Variants in EXOC6B observed in about 807,000 individuals in gnomAD.
EXOC6B encodes the protein SEC15 homolog B.
EXOC6B carries 54 observed loss-of-function variants against 113.5 expected under a neutral mutation model. That is an observed-to-expected ratio of 0.48 (90% CI 0.38 to 0.60). The LOEUF is 0.60. Among genes scored for constraint, EXOC6B ranks in the 20% least tolerant of loss-of-function variants. The pLI, the probability that EXOC6B is intolerant of heterozygous loss-of-function variation, is 0.00. For missense variants in EXOC6B, 797 were observed against 977.5 expected (o/e 0.82, Z 2.46); for synonymous variants, 357 against 339.0 (o/e 1.05, Z -0.58).
At chr2:72,770,986 A>G (rs1284390959) in intron 1 of EXOC6B, among the ~76,000 whole-genome samples, 1 of 152,202 alleles carries the variant, frequency 6.6e-6, no homozygotes, top group Non-Finnish European at 1.5e-5. Context: ...TTGTTTTTAA[A>G]TAATGATTAT....
intron 20 of EXOC6B, among the ~76,000 whole-genome samples, chr2:72,322,246 G>C (rs1014094869): frequency 3.9e-5 from 6 of 152,048 alleles, no homozygotes; most frequent in African/African-American, 1.4e-4. Flanking sequence ...CAATAAAAAA[G>C]AATGAACTAT....
chr2:72,235,641 G>A (rs1681914160), intron 20 of EXOC6B, among the ~76,000 whole-genome samples: 1 of 151,332 alleles, frequency 6.6e-6, no homozygotes, highest in Admixed American at 6.6e-5. Flanking sequence ...TGAAACATAA[G>A]AATAGGTGTA....
chr2:72,396,755 C>A (rs926172140), intron 18 of EXOC6B, among the ~76,000 whole-genome samples: 1 of 152,000 alleles, frequency 6.6e-6, no homozygotes, highest in Admixed American at 6.6e-5. Flanking sequence ...CAGCCTCTTT[C>A]CTATGTAAAC....
At chr2:72,659,006 T>A (rs919113317) in intron 6 of EXOC6B, among the ~76,000 whole-genome samples, 6 of 152,128 alleles carry the variant, frequency 3.9e-5, no homozygotes, top group African/African-American at 1.4e-4. Context: ...TCGTACCTCC[T>A]ATCCACCATC....
chr2:72,514,940 AACACACACACACAGACACACACACAC>A, intron 9 of EXOC6B, 77 bp downstream of exon 9: 2 of 1,019,572 alleles, frequency 2.0e-6, no homozygotes. Flanking sequence ...AATGACAGTA[AACACACACACACAGACACACACACAC>A]ACACACACAC....
intron 17 of EXOC6B, among the ~76,000 whole-genome samples, chr2:72,470,501 G>A (rs1472947372): frequency 3.3e-5 from 5 of 151,884 alleles, no homozygotes; most frequent in Non-Finnish European, 7.4e-5. Context: ...AAGTTTTAGG[G>A]TACATTGCAC....
intron 20 of EXOC6B, among the ~76,000 whole-genome samples, chr2:72,186,927 G>C (rs189872117): frequency 1.3e-5 from 2 of 152,266 alleles, no homozygotes; most frequent in East Asian, 3.9e-4. Context: ...GTTTTGCTCT[G>C]GCCCACTGGG....
chr2:72,176,093 T>C lies in EXOC6B; in HGVS notation c.*3242A>G, dbSNP rs968652270. ...TCACAGAGGAGCTTTCCCCTAACCATGCGGCCCATCTGTATCAGTAGCTTT... is the reference window on the plus strand; with the variant it reads ...TCACAGAGGAGCTTTCCCCTAACCACGCGGCCCATCTGTATCAGTAGCTTT... On this transcript the variant is annotated 3_prime_UTR_variant, in exon 22 of 22. Transcript: ENST00000272427. The C allele has an allele frequency of 1.3e-5, 2 of 152,168 alleles. No homozygotes were observed. Among genetic ancestry groups the C allele is most frequent in the Admixed American group, 1.3e-4 (2 of 15,282 alleles). 9.4% of individuals were successfully genotyped at this position (152,168 alleles called of 1,614,324 possible).
intron 20 of EXOC6B, among the ~76,000 whole-genome samples, chr2:72,307,160 A>AATTTTT (rs1686912321): frequency 9.3e-6 from 1 of 107,760 alleles, no homozygotes; most frequent in African/African-American, 8.6e-5. Context: ...GGTATAGTCC[A>AATTTTT]GTTTTTTTTT....
intron 20 of EXOC6B, among the ~76,000 whole-genome samples, chr2:72,299,420 T>A (rs866321460): frequency 3.9e-5 from 6 of 152,186 alleles, no homozygotes; most frequent in Middle Eastern, 6.8e-3. Flanking sequence ...GATGAATTCA[T>A]CTAACCTTTT....
chr2:72,546,641 G>C (rs1702918411), intron 8 of EXOC6B, among the ~76,000 whole-genome samples: 1 of 152,160 alleles, frequency 6.6e-6, no homozygotes, highest in African/African-American at 2.4e-5. Context: ...TCTCTGCTCT[G>C]CATCCCTTTA....
At chr2:72,444,178 G>A (rs930513152) in intron 18 of EXOC6B, among the ~76,000 whole-genome samples, 10 of 152,330 alleles carry the variant, frequency 6.6e-5, no homozygotes, top group African/African-American at 9.6e-5. Context: ...CATGCAAGTC[G>A]AAATCCAGCA....
chr2:72,437,369 T>A (rs1188713285), intron 18 of EXOC6B, among the ~76,000 whole-genome samples: 4 of 152,224 alleles, frequency 2.6e-5, no homozygotes, highest in African/African-American at 9.6e-5. Flanking sequence ...TCAGAAGGCA[T>A]GGGGGTCAGG....
chr2:72,549,059 A>C (rs1451157164), intron 8 of EXOC6B, among the ~76,000 whole-genome samples: 1 of 152,050 alleles, frequency 6.6e-6, no homozygotes, highest in Admixed American at 6.5e-5. Context: ...TAGTAAGATA[A>C]ATGAGAATAG....
chr2:72,552,413 T>C (rs1333217873), intron 8 of EXOC6B, among the ~76,000 whole-genome samples: 1 of 151,214 alleles, frequency 6.6e-6, no homozygotes, highest in Admixed American at 6.6e-5. Context: ...GAAAAATGCA[T>C]ATTATTGCAT....
intron 6 of EXOC6B, among the ~76,000 whole-genome samples, chr2:72,691,911 T>C (rs1280032036): frequency 6.6e-6 from 1 of 152,010 alleles, no homozygotes; most frequent in African/African-American, 2.4e-5. Context: ...CTTGAAATCC[T>C]GACCTCAGGT....
At chr2:72,330,344 G>A (rs1045637881) in intron 20 of EXOC6B, among the ~76,000 whole-genome samples, 1 of 151,826 alleles carries the variant, frequency 6.6e-6, no homozygotes, top group Admixed American at 6.6e-5. Flanking sequence ...GAATAGATAG[G>A]ACATAAAAGA....
chr2:72,342,268 A>G (rs1689074785), intron 19 of EXOC6B, among the ~76,000 whole-genome samples: 1 of 152,130 alleles, frequency 6.6e-6, no homozygotes, highest in Non-Finnish European at 1.5e-5. Context: ...ATCAGAGCAT[A>G]AGAAATGAAA....
chr2:72,514,752 C>T, intron 9 of EXOC6B, 72 bp from the exon 10 acceptor site: 1 of 904,042 alleles, frequency 1.1e-6, no homozygotes, highest in Non-Finnish European at 1.7e-6. Context: ...AAATCAGTCA[C>T]TTAATCTCTT....
Sources: gnomAD v4.1 joint callset for allele counts (sites outside exome capture counted in the v4.1 genomes callset) on GRCh38, gnomAD v4.1.1 for gene constraint, MANE v1.5 for transcripts, NCBI Gene and HGNC (gene_info 2026-07-23, HGNC 2026-07-21) for gene names.